The following TNRC6A variants were observed in gnomAD, a reference collection of about 807,000 sequenced individuals.
TNRC6A encodes the protein trinucleotide repeat containing adaptor 6A.
A neutral mutation model predicts 221.2 loss-of-function variants in TNRC6A; 44 were observed. The ratio of observed to expected loss-of-function variants is 0.20; its 90% CI spans 0.16 to 0.26. The LOEUF is 0.26. Among genes scored for constraint, TNRC6A ranks in the 10% least tolerant of loss-of-function variants. TNRC6A has a pLI of 1.00. For synonymous variants in TNRC6A, 847 were observed against 838.5 expected (o/e 1.01, Z -0.18); for missense variants, 2,199 against 2,404.4 (o/e 0.91, Z 1.79).
At chr16:24,780,252 T>G (rs2057811986) in intron 5 of TNRC6A, among the ~76,000 whole-genome samples, 1 of 152,210 alleles carries the variant, frequency 6.6e-6, no homozygotes, top group African/African-American at 2.4e-5. Flanking sequence ...CATCTTGACT[T>G]GACACACCTC....
intron 4 of TNRC6A, among the ~76,000 whole-genome samples, chr16:24,766,508 C>T (rs1485160498): frequency 1.3e-5 from 2 of 151,966 alleles, no homozygotes; most frequent in Non-Finnish European, 2.9e-5. Context: ...AAAGTAGAAC[C>T]CAGCCCAGCA....
chr16:24,818,260 T>A (rs2058693813), intron 20 of TNRC6A, among the ~76,000 whole-genome samples: 1 of 151,976 alleles, frequency 6.6e-6, no homozygotes, highest in South Asian at 2.1e-4. Flanking sequence ...GCACCAAGAC[T>A]CGAACCTCCT....
intron 2 of TNRC6A, 143 bp downstream of exon 2, chr16:24,730,443 GA>G (rs2056604892): frequency 1.2e-6 from 1 of 832,234 alleles, no homozygotes; most frequent in Non-Finnish European, 1.8e-6. Context: ...CGGCCTGGGG[GA>G]ATACTGGAGG....
At chr16:24,734,436 C>CAGTT (rs2056716566) in intron 2 of TNRC6A, among the ~76,000 whole-genome samples, 2 of 152,028 alleles carry the variant, frequency 1.3e-5, no homozygotes, top group Non-Finnish European at 2.9e-5. Flanking sequence ...ACCAGTAGAA[C>CAGTT]TCAGCTGGTC....
At chr16:24,649,945 T>C (rs1177820980) in intron 2 of TNRC6A, among the ~76,000 whole-genome samples, 2 of 149,878 alleles carry the variant, frequency 1.3e-5, no homozygotes, top group African/African-American at 4.9e-5. Context: ...CACCTCAGTC[T>C]CCTGAGTAGC....
intron 2 of TNRC6A, among the ~76,000 whole-genome samples, chr16:24,708,463 G>A (rs1336014974): frequency 2.6e-5 from 4 of 151,880 alleles, no homozygotes; most frequent in Non-Finnish European, 5.9e-5. Flanking sequence ...GGATGGTCTC[G>A]ATCTCCTGAC....
intron 2 of TNRC6A, among the ~76,000 whole-genome samples, chr16:24,684,847 A>C (rs1357442822): frequency 6.6e-6 from 1 of 152,194 alleles, no homozygotes; most frequent in Non-Finnish European, 1.5e-5. Context: ...TTCAAGGCCC[A>C]CACAAAAGCA....
intron 17 of TNRC6A, among the ~76,000 whole-genome samples, chr16:24,808,485 A>G (rs11647120): frequency 0.19 from 28,368 of 152,254 alleles, 2,746 homozygotes; most frequent in African/African-American, 0.21. Context: ...TTGCATGGAG[A>G]CACCGGGACC....
chr16:24,618,754 T>A (rs1241221245), intron 1 of TNRC6A, among the ~76,000 whole-genome samples: 1 of 149,142 alleles, frequency 6.7e-6, no homozygotes, highest in Non-Finnish European at 1.5e-5. Flanking sequence ...CTCAGCCTCC[T>A]TGAGTAGCTG....
In TNRC6A at chr16:24,825,898, C is replaced by A. The variant is rs536766085; in HGVS notation, c.*2091C>A. The A allele has an allele frequency of 6.5e-6, 1 of 152,678 alleles. No homozygotes were observed. The highest frequency in any genetic ancestry group is 2.4e-5 in the African/African-American group (1 of 41,466). The allele number at this position is 152,678 out of a possible 1,614,324, so 9.5% of individuals were successfully genotyped here. On this transcript the variant is annotated 3_prime_UTR_variant, in exon 25 of 25. Coordinates refer to ENST00000395799, the MANE Select transcript of TNRC6A (RefSeq NM_014494.4). The stretch of plus-strand genomic sequence containing the variant: ...GCTTCTCCCTGCAGGAGCTCGGGGG[C>A]GAAACCTGTGTATGGATTTCAGTGT...
rs1476283252 is a variant in TNRC6A at position 24,729,761 on chromosome 16, C to A, written c.-81C>A. The A allele has an allele frequency of 4.4e-6, 6 of 1,351,564 alleles. No homozygotes were observed. The Admixed American group carries it at 1.0e-4, about 23-fold the overall frequency. 83.7% of individuals were successfully genotyped at this position (1,351,564 alleles called of 1,614,324 possible). A position where few individuals can be genotyped will look rare whatever the true frequency, so the allele number is the denominator to read the frequency against. ...AATGGCGCTGGTGCAGCGGCTCGGG[C>A]CTCTCCCCGCGGCGCTGCGGAGGGC... On this transcript the variant is annotated 5_prime_UTR_variant, in exon 1 of 25. Transcript: ENST00000395799.
chr16:24,811,830 T>G (rs2058549520), intron 18 of TNRC6A, among the ~76,000 whole-genome samples: 1 of 151,968 alleles, frequency 6.6e-6, no homozygotes, highest in African/African-American at 2.4e-5. Flanking sequence ...GACATTCTTT[T>G]TTTTCTATTG....
At chr16:24,801,522 C>T (rs1429538623) in intron 11 of TNRC6A, among the ~76,000 whole-genome samples, 1 of 148,696 alleles carries the variant, frequency 6.7e-6, no homozygotes, top group Non-Finnish European at 1.5e-5. Flanking sequence ...AAAAATGTAA[C>T]ATGCTACTCT....
rs533149684 is a variant in TNRC6A, at chr16:24,822,831, C to T, written c.5374-43C>T. Reference sequence around the variant, plus strand: ...GCCTGAAACAGCCTCCTGGAGGGCCCGCGGTGACGCCTCTCACTGGCAGTT... The same window carrying T: ...GCCTGAAACAGCCTCCTGGAGGGCCTGCGGTGACGCCTCTCACTGGCAGTT... On this transcript the variant is annotated intron_variant, in intron 23 of 24. Coordinates refer to ENST00000395799, the MANE Select transcript of TNRC6A (RefSeq NM_014494.4). 5.6e-6 allele frequency: 9 copies of T among 1,610,914 alleles called. No individual in the cohort carries two copies. In the East Asian group the frequency reaches 6.7e-5, roughly 12 times the overall value.
intron 4 of TNRC6A, among the ~76,000 whole-genome samples, chr16:24,771,582 TTGTTATGTTA>T (rs10625690): frequency 6.3e-5 from 6 of 95,552 alleles, no homozygotes; most frequent in South Asian, 3.4e-4. Flanking sequence ...TTATGTTATG[TTGTTATGTTA>T]TGTTATGTTA....
intron 21 of TNRC6A, chr16:24,819,884 GT>G: frequency 3.8e-6 from 2 of 521,838 alleles, no homozygotes; most frequent in Non-Finnish European, 6.8e-6. Flanking sequence ...TTTGAGTACA[GT>G]TTTGGACACT....
At position 24,823,281 on chromosome 16, in the gene TNRC6A, G is replaced by A; in HGVS notation, c.5514-151G>A. The A allele has an allele frequency of 2.8e-6, 3 of 1,054,146 alleles. No individual in the cohort carries two copies. The highest frequency in any genetic ancestry group is 4.1e-6 in the Non-Finnish European group (3 of 739,860). The allele number at this position is 1,054,146 out of a possible 1,614,324, so 65.3% of individuals were successfully genotyped here. A position where few individuals can be genotyped will look rare whatever the true frequency, so the allele number is the denominator to read the frequency against. On this transcript the variant is annotated intron_variant, in intron 24 of 24. Coordinates refer to ENST00000395799, the MANE Select transcript of TNRC6A (RefSeq NM_014494.4). This position sits in a 1 kb window ranked among gnomAD's most constrained non-coding sequence, Gnocchi z 4.3. ...GAGAGCTGTGGGTGCACACTCGGGT[G>A]AAGGGAGGGCACGCAGGTTATGTGG...
At chr16:24,612,015 G>T (rs1381628340) in intron 1 of TNRC6A, among the ~76,000 whole-genome samples, 2 of 152,062 alleles carry the variant, frequency 1.3e-5, no homozygotes, top group Non-Finnish European at 2.9e-5. Context: ...AATCGCTTGA[G>T]CCCAGGAGGC....
At chr16:24,784,698 AAAT>A (rs1292724124) in intron 5 of TNRC6A, among the ~76,000 whole-genome samples, 3 of 152,186 alleles carry the variant, frequency 2.0e-5, no homozygotes, top group African/African-American at 7.2e-5. Flanking sequence ...CCAATTTTTA[AAAT>A]AATCTTTAGG....
Sources: allele counts gnomAD v4.1 joint callset (sites outside exome capture counted in the v4.1 genomes callset), GRCh38; gene constraint gnomAD v4.1.1; non-coding constraint Gnocchi (gnomAD v3.1); transcripts MANE v1.5; gene names NCBI Gene and HGNC (gene_info 2026-07-23, HGNC 2026-07-21).